Variants in ADAM10 observed in about 807,000 individuals in gnomAD.
ADAM10 encodes the protein ADAM metallopeptidase domain 10, also known as disintegrin and metalloproteinase domain-containing protein 10.
In ADAM10, 17 loss-of-function variants were observed where a neutral mutation model predicts 90.1. That is an observed-to-expected ratio of 0.19 (90% CI 0.13 to 0.28). The LOEUF (loss-of-function observed/expected upper bound fraction) is 0.28. ADAM10 is among the 10% of genes least tolerant of loss of function. The pLI, the probability that ADAM10 is intolerant of heterozygous loss-of-function variation, is 1.00. For missense variants in ADAM10, 610 were observed against 914.3 expected (o/e 0.67, Z 4.29); for synonymous variants, 310 against 298.6 (o/e 1.04, Z -0.40).
chr15:58,621,580 C>T lies in ADAM10; in HGVS notation c.1402G>A (p.Gly468Ser), dbSNP rs772324588. 9.3e-6 allele frequency: 15 copies of T among 1,614,000 alleles called. No individual in the cohort carries two copies. Among genetic ancestry groups the T allele is most frequent in the Non-Finnish European group, 1.2e-5 (14 of 1,180,026 alleles). Residue 468 changes from glycine to serine, a missense_variant, in exon 11 of 16, where the codon GGT becomes AGT. Gly to Ser is a moderately conservative substitution (Grantham distance 56). This residue lies in a region of ADAM10 where 97 missense variants were observed against 221.4 expected (regional missense o/e 0.44). Coordinates refer to ENST00000260408, the MANE Select transcript of ADAM10 (RefSeq NM_001110.4). ...PICGNGMVEQGEECDCGYSDQ... is the reference protein window; with the variant it reads ...PICGNGMVEQSEECDCGYSDQ... ...CTATAGCCACAATCACATTCTTCAC[C>T]TTGTTCTACCATTCCATTTCCACAA...
At chr15:58,706,628 G>A (rs1368753408) in intron 2 of ADAM10, among the ~76,000 whole-genome samples, 1 of 152,112 alleles carries the variant, frequency 6.6e-6, no homozygotes, top group Non-Finnish European at 1.5e-5. Flanking sequence ...GAGAGGAACT[G>A]GAAGGGAAAG....
At chr15:58,735,191 T>C (rs1485828655) in intron 1 of ADAM10, among the ~76,000 whole-genome samples, 5 of 152,184 alleles carry the variant, frequency 3.3e-5, no homozygotes, top group Non-Finnish European at 1.5e-5. Flanking sequence ...TTGTTATAGA[T>C]CTTCCTGATT....
At chr15:58,630,870 C>A (rs1422313480) in intron 9 of ADAM10, among the ~76,000 whole-genome samples, 1 of 152,112 alleles carries the variant, frequency 6.6e-6, no homozygotes. Context: ...GTCTGTCCCC[C>A]CAAATTTGAT....
At chr15:58,636,840 T>C (rs1165360959) in intron 8 of ADAM10, among the ~76,000 whole-genome samples, 4 of 152,308 alleles carry the variant, frequency 2.6e-5, no homozygotes, top group South Asian at 2.1e-4. Flanking sequence ...ATGCTGATCA[T>C]ACAATATTAA....
chr15:58,631,991 T>G (rs766167156), intron 9 of ADAM10, among the ~76,000 whole-genome samples: 2 of 152,198 alleles, frequency 1.3e-5, no homozygotes, highest in Admixed American at 6.5e-5. Context: ...AGAAGTGCAT[T>G]TGGGGATTTT....
chr15:58,689,952 C>CCCCCA (rs1555418398), intron 2 of ADAM10, among the ~76,000 whole-genome samples: 6 of 108,930 alleles, frequency 5.5e-5, no homozygotes, highest in Admixed American at 9.7e-5. Context: ...AGACCCCCCC[C>CCCCCA]AAAAAAAAAA....
At chr15:58,640,996 T>G in intron 7 of ADAM10, 36 bp from the exon 8 acceptor site, 1 of 1,577,046 alleles carries the variant, frequency 6.3e-7, no homozygotes, top group Non-Finnish European at 8.7e-7. Flanking sequence ...AAGTAATTAA[T>G]GTTAGCAGAG....
chr15:58,691,959 A>G (rs1310495514), intron 2 of ADAM10: 1 of 421,168 alleles, frequency 2.4e-6, no homozygotes, highest in Non-Finnish European at 4.8e-6. Flanking sequence ...TACAGGCGTG[A>G]GCCACCATGC....
At chr15:58,657,585 A>G (rs577917955) in intron 5 of ADAM10, among the ~76,000 whole-genome samples, 18 of 152,308 alleles carry the variant, frequency 1.2e-4, no homozygotes, top group African/African-American at 4.3e-4. Context: ...TAGTATTCCG[A>G]ATTCCTTCTC....
intron 10 of ADAM10, among the ~76,000 whole-genome samples, chr15:58,626,636 T>TA (rs1409238483): frequency 1.3e-5 from 2 of 152,130 alleles, no homozygotes; most frequent in African/African-American, 4.8e-5. Flanking sequence ...TGAAAAGGAA[T>TA]GGAACTCTGA....
At chr15:58,686,517 A>G (rs1191761448) in intron 2 of ADAM10, 10 of 1,424,068 alleles carry the variant, frequency 7.0e-6, no homozygotes, top group Admixed American at 1.8e-5. Context: ...GCAGAGCTTC[A>G]ACAGTACTGT....
In ADAM10 at chr15:58,648,883, G is replaced by C. The variant is rs181740338; in HGVS notation, c.586-2679C>G. Among the ~76,000 whole-genome samples, 303 of 151,882 alleles carry C rather than the reference G, an allele frequency of 2.0e-3. 1 individual carries two copies. Among genetic ancestry groups the C allele is most frequent in the African/African-American group, 6.8e-3 (283 of 41,460 alleles). On this transcript the variant is annotated intron_variant, in intron 5 of 15. Transcript: ENST00000260408. ...TTAAAATCTACTTTGGCTGATAATA[G>C]ACATATTTTTGTTAGAGTCATCAAA...
intron 7 of ADAM10, 59 bp from the exon 8 acceptor site, chr15:58,641,019 T>C: frequency 6.8e-7 from 1 of 1,471,406 alleles, no homozygotes; most frequent in Non-Finnish European, 9.5e-7. Context: ...TTAGTGTGAA[T>C]GTCTGCTCAC....
Position 58,717,706 on chromosome 15 carries a change from T to C in ADAM10, c.77A>G (p.Asn26Ser). ...TCCTTCATAATGTCTGATATATTTATTTAAAGGATTCCCATACTGACCTAT... is the reference window on the plus strand; with the variant it reads ...TCCTTCATAATGTCTGATATATTTACTTAAAGGATTCCCATACTGACCTAT... ...GMGGQYGNPL[N>S]KYIRHYEGLS... Residue 26 changes from asparagine (N) to serine (S), a missense_variant, in exon 2 of 16, where the codon AAT becomes AGT. This residue lies in a region of ADAM10 where 310 missense variants were observed against 362.4 expected (regional missense o/e 0.86). Transcript: ENST00000260408. The C allele has an allele frequency of 6.2e-7, 1 of 1,613,068 alleles. No homozygotes were observed.
At chr15:58,714,891 C>T (rs1178038352) in intron 2 of ADAM10, among the ~76,000 whole-genome samples, 1 of 151,922 alleles carries the variant, frequency 6.6e-6, no homozygotes, top group Non-Finnish European at 1.5e-5. Context: ...AATTATACTA[C>T]TCCAGTCATT....
chr15:58,719,634 A>T (rs1167499055), intron 1 of ADAM10, among the ~76,000 whole-genome samples: 1 of 152,252 alleles, frequency 6.6e-6, no homozygotes, highest in Non-Finnish European at 1.5e-5. Context: ...GATTTGTTAG[A>T]CAACAATGTG....
intron 1 of ADAM10, among the ~76,000 whole-genome samples, chr15:58,742,187 A>G (rs184869570): frequency 6.6e-6 from 1 of 152,350 alleles, no homozygotes; most frequent in East Asian, 1.9e-4. Context: ...CCTGGTGACT[A>G]AACAGCAATG....
intron 2 of ADAM10, among the ~76,000 whole-genome samples, chr15:58,709,654 T>C (rs1225177641): frequency 6.6e-6 from 1 of 151,912 alleles, no homozygotes; most frequent in Non-Finnish European, 1.5e-5. Context: ...GCAGGAGAAT[T>C]GCGTGAACCC....
intron 2 of ADAM10, chr15:58,692,302 C>T (rs752324185): frequency 1.6e-6 from 1 of 607,520 alleles, no homozygotes; most frequent in African/African-American, 1.8e-5. Context: ...GTAGAATTCT[C>T]CACACTCTTC....
Sources: allele counts gnomAD v4.1 joint callset (sites outside exome capture counted in the v4.1 genomes callset), GRCh38; gene constraint gnomAD v4.1.1; regional missense constraint gnomAD v4.1.1; transcripts MANE v1.5; gene names NCBI Gene and HGNC (gene_info 2026-07-23, HGNC 2026-07-21).